Variants in DMD observed in about 807,000 individuals in gnomAD.
DMD encodes the protein mutant dystrophin.
Under a neutral mutation model 330.1 loss-of-function variants are expected in DMD, and 63 were observed. The observed-to-expected ratio is 0.19, with a 90% CI of 0.16 to 0.24. DMD has a LOEUF of 0.24. Ranked by LOEUF, DMD falls within the 10% of genes least tolerant of loss-of-function variation. The pLI is 1.00. For missense variants in DMD, 3,344 were observed against 2,684.1 expected, an observed-to-expected ratio of 1.25 and a Z score of -5.43; for synonymous variants, 1,223 against 959.8, an observed-to-expected ratio of 1.27 and a Z score of -5.07.
chrX:32,920,417 A>G (rs1438722117), intron 2 of DMD, among the ~76,000 whole-genome samples: 1 of 111,486 alleles, frequency 9.0e-6, no homozygotes, highest in African/African-American at 3.3e-5. Context: ...TTTGCAGTAA[A>G]TTGTGAATAA....
At chrX:31,284,606 T>TCTTCTTCTTCTTC in intron 62 of DMD, among the ~76,000 whole-genome samples, 1 of 96,929 alleles carries the variant, frequency 1.0e-5, no homozygotes, top group African/African-American at 3.9e-5. Flanking sequence ...CTTCTTCTTC[T>TCTTCTTCTTCTTC]TTTTTTTGGC....
intron 1 of DMD, among the ~76,000 whole-genome samples, chrX:33,281,941 T>C (rs1047541842): frequency 2.8e-5 from 3 of 108,931 alleles, no homozygotes; most frequent in African/African-American, 1.0e-4. Context: ...CTTAGATCTA[T>C]AGAGATAAAA....
At chrX:31,204,348 T>C (rs995262454) in intron 66 of DMD, among the ~76,000 whole-genome samples, 3 of 112,933 alleles carry the variant, frequency 2.7e-5, no homozygotes, top group African/African-American at 9.6e-5. Context: ...ACTGTGTCAC[T>C]GCAAGAAGCG....
chrX:31,266,990 C>G (rs2051216846), intron 62 of DMD: 1 of 854,498 alleles, frequency 1.2e-6, no homozygotes, highest in East Asian at 3.9e-5. Context: ...GGAGGGGGCG[C>G]TGCGGGCAGA....
At chrX:32,173,429 G>A (rs1254735130) in intron 44 of DMD, among the ~76,000 whole-genome samples, 1 of 111,112 alleles carries the variant, frequency 9.0e-6, no homozygotes, top group African/African-American at 3.3e-5. Context: ...CTGGAGTGCA[G>A]TGGCGCGATC....
At chrX:33,122,990 G>C (rs977575427) in intron 1 of DMD, among the ~76,000 whole-genome samples, 4 of 112,339 alleles carry the variant, frequency 3.6e-5, no homozygotes, top group African/African-American at 1.3e-4. Flanking sequence ...ATGATAAACT[G>C]CATATACCGC....
At chrX:31,369,958 G>A (rs1343380434) in intron 60 of DMD, among the ~76,000 whole-genome samples, 3 of 109,982 alleles carry the variant, frequency 2.7e-5, no homozygotes, top group African/African-American at 6.6e-5. Flanking sequence ...AATTAGCTGG[G>A]TGTGGTGGTG....
chrX:31,644,378 G>C (rs2079959316), intron 54 of DMD, among the ~76,000 whole-genome samples: 1 of 111,800 alleles, frequency 8.9e-6, no homozygotes, highest in Non-Finnish European at 1.9e-5. Flanking sequence ...GAGACTGATA[G>C]CAAATACAAG....
At chrX:31,977,562 G>T (rs971406238) in intron 44 of DMD, among the ~76,000 whole-genome samples, 10 of 110,255 alleles carry the variant, frequency 9.1e-5, no homozygotes, top group African/African-American at 3.3e-4. Flanking sequence ...CACATGTTGG[G>T]CATCACTAAG....
At chrX:31,366,470 C>CAA (rs34216082) in intron 60 of DMD, among the ~76,000 whole-genome samples, 241 of 10,636 alleles carry the variant, frequency 0.023, 40 homozygotes, top group East Asian at 0.091. Flanking sequence ...CTCTCTCTCT[C>CAA]AAAAAAAAAA....
At chrX:31,474,667 C>G (rs2067592821) in intron 59 of DMD, among the ~76,000 whole-genome samples, 1 of 103,292 alleles carries the variant, frequency 9.7e-6, no homozygotes, top group African/African-American at 3.6e-5. Flanking sequence ...CGAGATAGCA[C>G]CACTGCACTC....
chrX:33,034,555 A>C (rs922140845), intron 1 of DMD, among the ~76,000 whole-genome samples: 1 of 112,285 alleles, frequency 8.9e-6, no homozygotes, highest in Admixed American at 9.4e-5. Context: ...TCTGTTAATC[A>C]TTTAATTATG....
intron 44 of DMD, among the ~76,000 whole-genome samples, chrX:32,015,126 T>C (rs989739928): frequency 2.7e-5 from 3 of 111,784 alleles, no homozygotes; most frequent in Non-Finnish European, 5.6e-5. Flanking sequence ...CTCCATAGAT[T>C]CTGATTCAAT....
At position 32,598,657 on chromosome X, in the gene DMD, T is replaced by G. The variant is rs186862303; in HGVS notation, c.1483-2781A>C. On this transcript the variant is annotated intron_variant, in intron 12 of 78. Transcript: ENST00000357033. Reference sequence around the variant, plus strand: ...TGGATCCATGGAATGAATCCAACTCTTATTGAGTCTTTTAAAGTCTATGTG... The same window carrying G: ...TGGATCCATGGAATGAATCCAACTCGTATTGAGTCTTTTAAAGTCTATGTG... Among the ~76,000 whole-genome samples the G allele has an allele frequency of 3.0e-3, 332 of 112,374 alleles. 2 individuals are homozygous for G. The highest frequency in any genetic ancestry group is 9.9e-3 in the African/African-American group (308 of 31,004).
At chrX:32,830,979 T>G (rs1392098324) in intron 4 of DMD, among the ~76,000 whole-genome samples, 1 of 111,521 alleles carries the variant, frequency 9.0e-6, no homozygotes, top group Non-Finnish European at 1.9e-5. Flanking sequence ...TCCTGCTGTC[T>G]ATTTTAAAGG....
At chrX:32,243,024 A>G (rs1334537401) in intron 43 of DMD, among the ~76,000 whole-genome samples, 1 of 108,148 alleles carries the variant, frequency 9.2e-6, no homozygotes, top group Admixed American at 1.0e-4. Flanking sequence ...AGGAAAGCAG[A>G]AGTAAAGAAA....
chrX:31,480,876 A>C (rs753168067), intron 57 of DMD, among the ~76,000 whole-genome samples: 2 of 111,735 alleles, frequency 1.8e-5, no homozygotes, highest in Non-Finnish European at 3.8e-5. Flanking sequence ...TTTCAATACA[A>C]TGTAGACAGT....
At chrX:31,650,023 A>C (rs984294832) in intron 54 of DMD, among the ~76,000 whole-genome samples, 6 of 109,887 alleles carry the variant, frequency 5.5e-5, no homozygotes, top group African/African-American at 2.0e-4. Flanking sequence ...TGGCATGATC[A>C]TAGCTCACTG....
Position 32,317,477 on chromosome X carries a change from C to A in DMD, c.5923-7201G>T, listed in dbSNP as rs1157697280. On this transcript the variant is annotated intron_variant, in intron 41 of 78. Transcript: ENST00000357033. ...TTCATTCATCTGAAACTTAAGTTAT[C>A]ACATTCTTTTCATTACATAAAATTT... Among the ~76,000 whole-genome samples the A allele has an allele frequency of 3.6e-5, 4 of 111,419 alleles. No individual in the cohort carries two copies. In the East Asian group the frequency reaches 1.1e-3, roughly 31 times the overall value.
Sources: allele counts gnomAD v4.1 joint callset (sites outside exome capture counted in the v4.1 genomes callset), GRCh38; gene constraint gnomAD v4.1.1; transcripts MANE v1.5; gene names NCBI Gene and HGNC (gene_info 2026-07-23, HGNC 2026-07-21).